Variants in NUCB2 observed in about 807,000 individuals in gnomAD.
NUCB2 encodes the protein nucleobindin 2.
A neutral mutation model predicts 57.9 loss-of-function variants in NUCB2; 48 were observed. The ratio of observed to expected loss-of-function variants is 0.83; its 90% confidence interval spans 0.66 to 1.05. The LOEUF is 1.05. NUCB2 is among the 50% of genes least tolerant of loss of function. NUCB2 has a pLI of 0.00. For synonymous variants in NUCB2, 139 were observed against 152.1 expected (o/e 0.91, Z 0.64); for missense variants, 442 against 476.2 (o/e 0.93, Z 0.67).
downstream of NUCB2, among the ~76,000 whole-genome samples, chr11:17,335,690 C>T (rs1007465810): frequency 7.9e-5 from 12 of 151,982 alleles, no homozygotes; most frequent in Non-Finnish European, 1.8e-4. Context: ...TTAGTAGAGG[C>T]GGGGTTTCAC....
In NUCB2 at chr11:17,296,289, C is replaced by G. The variant is rs1273023110; in HGVS notation, c.252+78C>G. Reference sequence around the variant, plus strand: ...TTAGAGATGAGGTCTCACCATATAACCCAGGTTGGCCTTGAGCTCCTGGGC... The same window carrying G: ...TTAGAGATGAGGTCTCACCATATAAGCCAGGTTGGCCTTGAGCTCCTGGGC... On this transcript the variant is annotated intron_variant, in intron 4 of 13. Coordinates refer to ENST00000529010, the MANE Select transcript of NUCB2 (RefSeq NM_005013.4). The G allele has an allele frequency of 3.9e-6, 3 of 762,930 alleles. No individual in the cohort carries two copies. The East Asian group carries it at 9.2e-5, about 23-fold the overall frequency. The allele number at this position is 762,930 out of a possible 1,614,324, so 47.3% of individuals were successfully genotyped here.
chr11:17,315,475 G>A lies in NUCB2; in HGVS notation c.1002G>A (p.Glu334=). The A allele has an allele frequency of 6.3e-7, 1 of 1,592,118 alleles. No individual in the cohort carries two copies. The highest frequency in any genetic ancestry group is 8.6e-7 in the Non-Finnish European group (1 of 1,160,828). The change falls in exon 11 of 14, where the codon GAG becomes GAA. Residue 334 remains glutamate, a splice_region_variant and synonymous_variant. Transcript: ENST00000529010. ...AATTCTTGGAGCCAGATAGCTGGGA[G>A]GTAATAGAACCTACTCTAAATGAGA... The part of the protein sequence containing the change: ...KKEFLEPDSW[E]TLDQQQFFTE...
intron 2 of NUCB2, among the ~76,000 whole-genome samples, chr11:17,292,114 C>T (rs1945045019): frequency 6.6e-6 from 1 of 151,688 alleles, no homozygotes; most frequent in Non-Finnish European, 1.5e-5. Flanking sequence ...AATTTAAGTA[C>T]TTAAGTAATA....
chr11:17,308,935 A>ATT (rs1260360172), intron 5 of NUCB2, among the ~76,000 whole-genome samples: 1 of 152,192 alleles, frequency 6.6e-6, no homozygotes. Context: ...ATTTATTAAA[A>ATT]GCAGGATATT....
intron 4 of NUCB2, among the ~76,000 whole-genome samples, chr11:17,299,283 A>G (rs1946327774): frequency 6.6e-6 from 1 of 152,186 alleles, no homozygotes; most frequent in African/African-American, 2.4e-5. Flanking sequence ...CCAATTCAGT[A>G]ACTCTAGAGC....
At chr11:17,337,972 A>G (rs2139578474) in intron 2 of NUCB2, among the ~76,000 whole-genome samples, 1 of 152,322 alleles carries the variant, frequency 6.6e-6, no homozygotes, top group South Asian at 2.1e-4. Context: ...TATCGTTAGT[A>G]GAATTCTAAT....
At position 17,297,695 on chromosome 11, in the gene NUCB2, G is replaced by T. The variant is rs748855783; in HGVS notation, c.252+1484G>T. On this transcript the variant is annotated intron_variant, in intron 4 of 13. Coordinates refer to ENST00000529010, the MANE Select transcript of NUCB2 (RefSeq NM_005013.4). Reference sequence around the variant, plus strand: ...AATAAGCTTCCTGGATTGGTGCAGGGAATACTTTTATAACTATCTTCCTTT... The same window carrying T: ...AATAAGCTTCCTGGATTGGTGCAGGTAATACTTTTATAACTATCTTCCTTT... Among the ~76,000 whole-genome samples the T allele has an allele frequency of 5.9e-4, 89 of 152,136 alleles. 1 individual carries two copies. The highest frequency in any genetic ancestry group is 7.6e-4 in the Non-Finnish European group (52 of 68,020).
chr11:17,311,010 A>T lies in NUCB2; in HGVS notation c.669A>T (p.Pro223=). ...AAAATCACCCTAAAGTTAATCACCCAGTAAGGATTGTGACTTTATGAAACC... is the reference window on the plus strand; with the variant it reads ...AAAATCACCCTAAAGTTAATCACCCTGTAAGGATTGTGACTTTATGAAACC... ...KHENHPKVNH[P]GSKDQLKEVW... Residue 223 remains proline (P), a splice_region_variant and synonymous_variant, in exon 7 of 14, where the codon CCA becomes CCT. Coordinates refer to ENST00000529010, the MANE Select transcript of NUCB2 (RefSeq NM_005013.4). 6.4e-7 allele frequency: 1 copy of T among 1,569,520 alleles called. No individual in the cohort carries two copies. Among genetic ancestry groups the T allele is most frequent in the Non-Finnish European group, 8.6e-7 (1 of 1,167,020 alleles).
chr11:17,322,912 T>C (rs1950203416), intron 11 of NUCB2, among the ~76,000 whole-genome samples: 1 of 152,168 alleles, frequency 6.6e-6, no homozygotes, highest in African/African-American at 2.4e-5. Context: ...TGCTGCTGAT[T>C]TTTGTATGTT....
chr11:17,301,500 G>A (rs976888276), intron 4 of NUCB2, among the ~76,000 whole-genome samples: 2 of 150,224 alleles, frequency 1.3e-5, no homozygotes, highest in African/African-American at 4.9e-5. Context: ...GGCTGGTCTC[G>A]AGCTCCTGAC....
chr11:17,294,576 A>G (rs539507080), intron 2 of NUCB2, among the ~76,000 whole-genome samples: 8 of 151,858 alleles, frequency 5.3e-5, no homozygotes, highest in African/African-American at 1.7e-4. Flanking sequence ...CTTCATTTGT[A>G]AAATGTGTCA....
intron 2 of NUCB2, among the ~76,000 whole-genome samples, chr11:17,339,815 G>A (rs530255383): frequency 2.6e-5 from 4 of 152,092 alleles, no homozygotes; most frequent in South Asian, 2.1e-4. Context: ...ATAAACATAC[G>A]TGTGCATGTG....
chr11:17,285,267 A>C (rs1239177514), intron 2 of NUCB2, among the ~76,000 whole-genome samples: 2 of 151,682 alleles, frequency 1.3e-5, no homozygotes, highest in African/African-American at 4.8e-5. Flanking sequence ...CTCTACTAAA[A>C]ACATACAAAA....
At chr11:17,340,871 A>T (rs1277896936) in intron 2 of NUCB2, among the ~76,000 whole-genome samples, 1 of 152,202 alleles carries the variant, frequency 6.6e-6, no homozygotes, top group African/African-American at 2.4e-5. Context: ...AGGCATTGGT[A>T]GCTTGATGGG....
intron 2 of NUCB2, among the ~76,000 whole-genome samples, chr11:17,345,662 G>GC (rs1952672905): frequency 6.6e-6 from 1 of 152,106 alleles, no homozygotes; most frequent in Non-Finnish European, 1.5e-5. Context: ...AGCCGATAAC[G>GC]CACCACTGCA....
At chr11:17,296,598 C>T (rs1030174127) in intron 4 of NUCB2, among the ~76,000 whole-genome samples, 1 of 152,074 alleles carries the variant, frequency 6.6e-6, no homozygotes, top group Non-Finnish European at 1.5e-5. Flanking sequence ...GGAAGTTATT[C>T]TTCCTAATAG....
At position 17,288,067 on chromosome 11, in the gene NUCB2, A is replaced by G. The variant is rs548335379; in HGVS notation, c.-1+5124A>G. The stretch of plus-strand genomic sequence containing the variant: ...TCCCCGGTAGAGAGAACAGTGTTGT[A>G]TGGGAAAACACAAAAGGTAACAATT... On this transcript the variant is annotated intron_variant, in intron 2 of 13. Coordinates refer to ENST00000529010, the MANE Select transcript of NUCB2 (RefSeq NM_005013.4). Among the ~76,000 whole-genome samples, 6 of 152,332 alleles carry G rather than the reference A, an allele frequency of 3.9e-5. No individual in the cohort carries two copies. In the South Asian group the frequency reaches 1.2e-3, roughly 32 times the overall value.
intron 2 of NUCB2, chr11:17,291,184 T>C (rs899480702): frequency 1.3e-5 from 2 of 152,202 alleles, no homozygotes; most frequent in Non-Finnish European, 2.9e-5. Context: ...ATGTGTCCTC[T>C]TGCTTCTGGC....
At position 17,318,115 on chromosome 11, in the gene NUCB2, A is replaced by G. The variant is rs1341528439; in HGVS notation, c.1002+2640A>G. 4.6e-5 allele frequency among the ~76,000 whole-genome samples: 7 copies of G among 151,728 alleles called. No individual in the cohort carries two copies. The South Asian group carries it at 1.5e-3, about 32-fold the overall frequency. ...ATCCCCCTCAACCTGCCTGGGCTCAAGTGATTCTCCCACCTCAGCCTCCTG... is the reference window on the plus strand; with the variant it reads ...ATCCCCCTCAACCTGCCTGGGCTCAGGTGATTCTCCCACCTCAGCCTCCTG... On this transcript the variant is annotated intron_variant, in intron 11 of 13. Transcript: ENST00000529010.
Sources: allele counts gnomAD v4.1 joint callset (sites outside exome capture counted in the v4.1 genomes callset), GRCh38; gene constraint gnomAD v4.1.1; transcripts MANE v1.5; gene names NCBI Gene and HGNC (gene_info 2026-07-23, HGNC 2026-07-21).